Variants in PGF observed in about 807,000 individuals in gnomAD.
The protein encoded by PGF is placental growth factor.
In PGF, 11 loss-of-function variants were observed where a neutral mutation model predicts 25.3. That is an observed-to-expected ratio of 0.43 (90% CI 0.27 to 0.72). The LOEUF (loss-of-function observed/expected upper bound fraction) is 0.72. Among genes scored for constraint, PGF ranks in the 30% least tolerant of loss-of-function variants. PGF has a pLI of 0.18. For missense variants in PGF, 230 were observed against 234.9 expected, an observed-to-expected ratio of 0.98 and a Z score of 0.14; for synonymous variants, 105 against 97.9, an observed-to-expected ratio of 1.07 and a Z score of -0.43.
rs1566858207 is a variant in PGF, at chr14:74,949,385, GGCACACAGT to G, written c.278_286del (p.His93_Val95del). On this transcript the variant is annotated inframe_deletion, in exon 3 of 7. Coordinates refer to ENST00000555567, the MANE Select transcript of PGF (RefSeq NM_002632.6). ...CATGGTGACATTGGCCGTCTCCACC[GGCACACAGT>G]GCAGATTCTCATCGCCGCAGCAGCC... 6.3e-7 allele frequency: 1 copy of G among 1,588,796 alleles called. No individual in the cohort carries two copies. Among genetic ancestry groups the G allele is most frequent in the Non-Finnish European group, 8.6e-7 (1 of 1,167,302 alleles).
At chr14:74,948,322 G>GA in intron 4 of PGF, 185 bp downstream of exon 4, 1 of 485,704 alleles carries the variant, frequency 2.1e-6, no homozygotes, top group Non-Finnish European at 3.7e-6. Context: ...AAACTGGCTG[G>GA]TGGGGGGACA....
chr14:74,948,243 C>T, intron 4 of PGF: 2 of 370,252 alleles, frequency 5.4e-6, no homozygotes, highest in Non-Finnish European at 9.7e-6. Context: ...TGGGAGGGAC[C>T]CACCCTCTCT....
intron 4 of PGF, 85 bp from the exon 5 acceptor site, chr14:74,946,493 G>A (rs1254660336): frequency 6.8e-6 from 9 of 1,327,186 alleles, no homozygotes; most frequent in South Asian, 1.3e-5. Flanking sequence ...GGTCCCCTCC[G>A]ACATCCCCAG....
intron 6 of PGF, among the ~76,000 whole-genome samples, chr14:74,942,991 C>T (rs927946081): frequency 1.3e-5 from 2 of 152,190 alleles, no homozygotes; most frequent in Admixed American, 6.5e-5. Context: ...AGGAAGGCAC[C>T]CTGATTATTC....
intron 6 of PGF, chr14:74,945,912 T>G (rs1183135569): frequency 2.2e-6 from 1 of 457,016 alleles, no homozygotes; most frequent in Non-Finnish European, 4.0e-6. Flanking sequence ...AGTAAATGTT[T>G]GTAGAGTGAC....
At chr14:74,942,808 G>C in intron 6 of PGF, 75 bp from the exon 7 acceptor site, 1 of 1,402,236 alleles carries the variant, frequency 7.1e-7, no homozygotes, top group Non-Finnish European at 9.8e-7. Context: ...ATGGAGGAGG[G>C]GGCAGGCCCA....
chr14:74,955,599 A>G (rs12885730), upstream of PGF: 198,511 of 200,596 alleles, frequency 0.99, 98,228 homozygotes, highest in East Asian at 1. The surrounding 1 kb of genome is among the most constrained non-coding windows in gnomAD (Gnocchi z 4.1). Flanking sequence ...CTCCCTTCTG[A>G]GACTGCAGCC....
chr14:74,955,080 G>T lies in PGF; in HGVS notation c.75+88C>A. The T allele has an allele frequency of 1.5e-6, 1 of 653,906 alleles. No homozygotes were observed. The highest frequency in any genetic ancestry group is 2.4e-6 in the Non-Finnish European group (1 of 421,352). 40.5% of individuals were successfully genotyped at this position (653,906 alleles called of 1,614,324 possible). On this transcript the variant is annotated intron_variant, in intron 1 of 6. Coordinates refer to ENST00000555567, the MANE Select transcript of PGF (RefSeq NM_002632.6). The surrounding 1 kb of genome is among the most constrained non-coding windows in gnomAD (Gnocchi z 4.1). ...GACATCCTTGGAGTTGCTGCTCCCT[G>T]GAGTGGGTCTGTGATTTCAGAGTCC...
chr14:74,942,991 C>G (rs927946081), intron 6 of PGF, among the ~76,000 whole-genome samples: 2 of 152,190 alleles, frequency 1.3e-5, no homozygotes, highest in Non-Finnish European at 2.9e-5. Flanking sequence ...AGGAAGGCAC[C>G]CTGATTATTC....
At chr14:74,948,647 C>T in intron 3 of PGF, 64 bp from the exon 4 acceptor site, 2 of 1,057,990 alleles carry the variant, frequency 1.9e-6, no homozygotes, top group Non-Finnish European at 2.9e-6. Context: ...GCACTCTTCT[C>T]TCTCTCCTTG....
At chr14:74,949,309 C>G in intron 3 of PGF, 48 bp downstream of exon 3, 1 of 1,403,614 alleles carries the variant, frequency 7.1e-7, no homozygotes, top group Non-Finnish European at 9.5e-7. Flanking sequence ...CTCCAGGTAC[C>G]TTCTAGTGGG....
In PGF at chr14:74,950,519, CT is replaced by C. The variant is rs987506724; in HGVS notation, c.119-967del. ...GATCGTGAATGGGATCTTTTGGGGGCTGATCTGGAATCCCTCAAAAGATGCT... is the reference window on the plus strand; with the variant it reads ...GATCGTGAATGGGATCTTTTGGGGGCGATCTGGAATCCCTCAAAAGATGCT... On this transcript the variant is annotated intron_variant, in intron 2 of 6. Coordinates refer to ENST00000555567, the MANE Select transcript of PGF (RefSeq NM_002632.6). This position sits in a 1 kb window ranked among gnomAD's most constrained non-coding sequence, Gnocchi z 4.1. Among the ~76,000 whole-genome samples the C allele has an allele frequency of 1.3e-5, 2 of 152,178 alleles. No individual in the cohort carries two copies. Among genetic ancestry groups the C allele is most frequent in the African/African-American group, 4.8e-5 (2 of 41,434 alleles).
At position 74,955,020 on chromosome 14, in the gene PGF, G is replaced by A. The variant is rs1460847571; in HGVS notation, c.75+148C>T. On this transcript the variant is annotated intron_variant, in intron 1 of 6. Coordinates refer to ENST00000555567, the MANE Select transcript of PGF (RefSeq NM_002632.6). This position sits in a 1 kb window ranked among gnomAD's most constrained non-coding sequence, Gnocchi z 4.1. Reference sequence around the variant, plus strand: ...GCCAGCCTGAGGTCTCTTCCCAAACGAAAGAAGTCCAGCCTGGCCTTTAGG... The same window carrying A: ...GCCAGCCTGAGGTCTCTTCCCAAACAAAAGAAGTCCAGCCTGGCCTTTAGG... 3 of 199,062 alleles carry A rather than the reference G, an allele frequency of 1.5e-5. No individual in the cohort carries two copies. The highest frequency in any genetic ancestry group is 4.9e-5 in the African/African-American group (2 of 40,920). The allele number at this position is 199,062 out of a possible 1,614,324, so 12.3% of individuals were successfully genotyped here.
Position 74,953,874 on chromosome 14 carries a change from G to T in PGF, c.118+30C>A. Reference sequence around the variant, plus strand: ...AGAAAGGAAGAGAGGGGCTTGGGGAGCATGCGTACCCCCAGCCTGGCCAGC... The same window carrying T: ...AGAAAGGAAGAGAGGGGCTTGGGGATCATGCGTACCCCCAGCCTGGCCAGC... On this transcript the variant is annotated intron_variant, in intron 2 of 6. Transcript: ENST00000555567. This position sits in a 1 kb window ranked among gnomAD's most constrained non-coding sequence, Gnocchi z 5.4. 3 of 1,607,826 alleles carry T rather than the reference G, an allele frequency of 1.9e-6. No individual in the cohort carries two copies. The highest frequency in any genetic ancestry group is 2.6e-6 in the Non-Finnish European group (3 of 1,174,472).
rs1286222845 is a variant in PGF, at chr14:74,942,445, G to A, written c.*261C>T. 2.3e-5 allele frequency: 11 copies of A among 479,892 alleles called. No individual in the cohort carries two copies. The East Asian group carries it at 3.0e-4, about 13-fold the overall frequency. 29.7% of individuals were successfully genotyped at this position (479,892 alleles called of 1,614,324 possible). A position where few individuals can be genotyped will look rare whatever the true frequency, so the allele number is the denominator to read the frequency against. ...CTCTGGGGCCTAGCTTGCCCCTCACGAGGCCACGTGTCTTGCTTCTTTCAA... is the reference window on the plus strand; with the variant it reads ...CTCTGGGGCCTAGCTTGCCCCTCACAAGGCCACGTGTCTTGCTTCTTTCAA... On this transcript the variant is annotated 3_prime_UTR_variant, in exon 7 of 7. Coordinates refer to ENST00000555567, the MANE Select transcript of PGF (RefSeq NM_002632.6).
chr14:74,946,202 C>T lies in PGF; in HGVS notation c.485+11G>A, dbSNP rs761684977. The T allele has an allele frequency of 9.9e-6, 16 of 1,613,170 alleles. No homozygotes were observed. The highest frequency in any genetic ancestry group is 4.0e-5 in the African/African-American group (3 of 74,906). On this transcript the variant is annotated intron_variant, in intron 6 of 6. Transcript: ENST00000555567. ...AGCCTCCTCGCCATCCCTGGGACCC[C>T]GCACACTCACAGGTGGCAGTCTGTG... is the stretch of plus-strand genomic sequence containing the variant.
At chr14:74,954,510 C>T (rs545069401) in intron 1 of PGF, among the ~76,000 whole-genome samples, 91 of 152,076 alleles carry the variant, frequency 6.0e-4, no homozygotes, top group Non-Finnish European at 9.3e-4. Context: ...AGTGGGACAA[C>T]GCAGTGGGAA....
rs1475169333 is a variant in PGF, at chr14:74,946,257, C to T, written c.441G>A (p.Arg147=). The T allele has an allele frequency of 1.2e-6, 2 of 1,614,114 alleles. No homozygotes were observed. Among genetic ancestry groups the T allele is most frequent in the Non-Finnish European group, 1.7e-6 (2 of 1,180,038 alleles). Reference sequence around the variant, plus strand: ...TCTGCTTCTCTCTCCTCCTCTTCCCCCTGCCCTTGGGTCTCCTCCTGCAAT... The same window carrying T: ...TCTGCTTCTCTCTCCTCCTCTTCCCTCTGCCCTTGGGTCTCCTCCTGCAAT... ...MKPERRRPKG[R]GKRRREKQRP... Residue 147 remains arginine (R), a synonymous_variant, in exon 6 of 7, where the codon AGG becomes AGA. Coordinates refer to ENST00000555567, the MANE Select transcript of PGF (RefSeq NM_002632.6).
Position 74,955,100 on chromosome 14 carries a change from G to A in PGF, c.75+68C>T. The A allele has an allele frequency of 3.5e-6, 3 of 847,632 alleles. No individual in the cohort carries two copies. The highest frequency in any genetic ancestry group is 5.1e-6 in the Non-Finnish European group (3 of 590,046). 52.5% of individuals were successfully genotyped at this position (847,632 alleles called of 1,614,324 possible). A position where few individuals can be genotyped will look rare whatever the true frequency, so the allele number is the denominator to read the frequency against. On this transcript the variant is annotated intron_variant, in intron 1 of 6. Transcript: ENST00000555567. This position sits in a 1 kb window ranked among gnomAD's most constrained non-coding sequence, Gnocchi z 4.1. Reference sequence around the variant, plus strand: ...TCCCTGGAGTGGGTCTGTGATTTCAGAGTCCCATGCTTCCAGTGCTGGGAT... The same window carrying A: ...TCCCTGGAGTGGGTCTGTGATTTCAAAGTCCCATGCTTCCAGTGCTGGGAT...
Sources: gnomAD v4.1 joint callset for allele counts (sites outside exome capture counted in the v4.1 genomes callset) on GRCh38, gnomAD v4.1.1 for gene constraint, Gnocchi (gnomAD v3.1) non-coding constraint, MANE v1.5 for transcripts, NCBI Gene and HGNC (gene_info 2026-07-23, HGNC 2026-07-21) for gene names.